The following SMIM35 variants were observed in gnomAD, a reference collection of about 807,000 sequenced individuals.
SMIM35 encodes the protein TMPRSS4 antisense RNA 1 (non-protein coding).
At chr11:118,036,489 G>A (rs2058360334) in intron 1 of SMIM35, among the ~76,000 whole-genome samples, 1 of 152,214 alleles carries the variant, frequency 6.6e-6, no homozygotes, top group South Asian at 2.1e-4. Context: ...CTGAATTTAA[G>A]GAATTCACAC....
intron 1 of SMIM35, among the ~76,000 whole-genome samples, chr11:118,018,171 AG>A (rs2058199344): frequency 6.6e-6 from 1 of 152,194 alleles, no homozygotes; most frequent in Non-Finnish European, 1.5e-5. Context: ...ATGAGCAGGA[AG>A]GCAGCAGGAG....
rs148324950 is a variant in SMIM35 at position 118,018,471 on chromosome 11, T to C, written c.8-2662A>G. Among the ~76,000 whole-genome samples, 3 of 152,248 alleles carry C rather than the reference T, an allele frequency of 2.0e-5. No homozygotes were observed. The East Asian group carries it at 5.8e-4, about 29-fold the overall frequency. ...AAGAGGCCAAGGTCAAAGAAGATCA[T>C]CTCTGTGGATGACAGAGAGAGGGAC... On this transcript the variant is annotated intron_variant, in intron 1 of 4. Transcript: ENST00000689828.
intron 4 of SMIM35, among the ~76,000 whole-genome samples, chr11:118,006,970 T>C (rs2058125103): frequency 6.6e-6 from 1 of 152,214 alleles, no homozygotes; most frequent in Admixed American, 6.5e-5. Context: ...TGAGCCTCTG[T>C]CATGGGCAGG....
intron 1 of SMIM35, among the ~76,000 whole-genome samples, chr11:118,074,302 A>T (rs1944617716): frequency 6.6e-6 from 1 of 152,124 alleles, no homozygotes; most frequent in Admixed American, 6.6e-5. Flanking sequence ...AAGAGAAAAA[A>T]ATGTCAAAAA....
At chr11:118,025,700 T>A (rs147044505) in intron 1 of SMIM35, 3 of 453,298 alleles carry the variant, frequency 6.6e-6, no homozygotes, top group African/African-American at 2.0e-5. Context: ...TAGACCCTTG[T>A]TGGATGCATA....
At position 118,004,686 on chromosome 11, in the gene SMIM35, C is replaced by G. The variant is rs1013940898; in HGVS notation, c.*1724G>C. On this transcript the variant is annotated 3_prime_UTR_variant, in exon 5 of 5. Coordinates refer to ENST00000689828, the MANE Select transcript of SMIM35 (RefSeq NM_001394165.1). ...GAGAAGATCCCCAAACCCCTGCAGC[C>G]AATACAGTTAGAATATTCACGCGAT... The G allele has an allele frequency of 3.9e-5, 6 of 152,190 alleles. No homozygotes were observed. The highest frequency in any genetic ancestry group is 1.4e-4 in the African/African-American group (6 of 41,424). The allele number at this position is 152,190 out of a possible 1,614,324, so 9.4% of individuals were successfully genotyped here. A position where few individuals can be genotyped will look rare whatever the true frequency, so the allele number is the denominator to read the frequency against.
chr11:118,075,964 G>A lies in SMIM35; in HGVS notation c.7+10787C>T, dbSNP rs77548009. 1.8e-3 allele frequency among the ~76,000 whole-genome samples: 267 copies of A among 152,316 alleles called. 3 individuals carry two copies. The highest frequency in any genetic ancestry group is 6.2e-3 in the African/African-American group (259 of 41,568). ...TCCAGCTATCAGGATGTGGCAGAAC[G>A]TGAATCAGAAATGATCCTGTGGGGC... On this transcript the variant is annotated intron_variant, in intron 1 of 4. Coordinates refer to ENST00000689828, the MANE Select transcript of SMIM35 (RefSeq NM_001394165.1).
intron 1 of SMIM35, among the ~76,000 whole-genome samples, chr11:118,054,292 A>G (rs754161108): frequency 3.5e-4 from 54 of 152,216 alleles, no homozygotes; most frequent in Admixed American, 7.2e-4. Flanking sequence ...GTACAGAAAA[A>G]CATTGACATT....
intron 1 of SMIM35, among the ~76,000 whole-genome samples, chr11:118,068,467 T>C (rs1030598885): frequency 6.6e-6 from 1 of 152,180 alleles, no homozygotes; most frequent in African/African-American, 2.4e-5. Context: ...GTCCTCAGTG[T>C]CCAGCACACT....
intron 1 of SMIM35, among the ~76,000 whole-genome samples, chr11:118,050,136 G>A (rs1944186172): frequency 6.6e-6 from 1 of 152,214 alleles, no homozygotes; most frequent in Non-Finnish European, 1.5e-5. Flanking sequence ...TCTCAGGTGA[G>A]CCACTCTGAC....
chr11:118,078,285 T>C (rs1832450375), intron 1 of SMIM35, among the ~76,000 whole-genome samples: 1 of 151,880 alleles, frequency 6.6e-6, no homozygotes. Flanking sequence ...GTCTTCCTTC[T>C]CCAGTCCTTG....
At chr11:118,057,072 G>A (rs1000460039) in intron 1 of SMIM35, among the ~76,000 whole-genome samples, 15 of 152,198 alleles carry the variant, frequency 9.9e-5, no homozygotes, top group African/African-American at 3.4e-4. Context: ...GAGAGCAGCC[G>A]GAAGCCTCAA....
At chr11:118,029,582 C>G (rs1299516115) in intron 1 of SMIM35, 2 of 453,712 alleles carry the variant, frequency 4.4e-6, no homozygotes, top group African/African-American at 4.0e-5. Flanking sequence ...GGGACTTACC[C>G]CCTGTCTGCT....
At chr11:118,034,280 A>G (rs1010877812) in intron 1 of SMIM35, among the ~76,000 whole-genome samples, 3 of 152,226 alleles carry the variant, frequency 2.0e-5, no homozygotes, top group African/African-American at 7.2e-5. Flanking sequence ...TCCATCTCAC[A>G]CACACACAAA....
intron 1 of SMIM35, among the ~76,000 whole-genome samples, chr11:118,041,541 A>T (rs1302909011): frequency 6.6e-6 from 1 of 152,198 alleles, no homozygotes; most frequent in Non-Finnish European, 1.5e-5. Context: ...TAAACAACAC[A>T]CTCCTAAATA....
intron 4 of SMIM35, among the ~76,000 whole-genome samples, chr11:118,009,449 T>C (rs1007215054): frequency 1.3e-5 from 2 of 152,194 alleles, no homozygotes; most frequent in Admixed American, 6.5e-5. Flanking sequence ...TGCCCTGCAC[T>C]GATATGTGCT....
chr11:118,047,750 C>T (rs1944123978), intron 1 of SMIM35, among the ~76,000 whole-genome samples: 1 of 152,224 alleles, frequency 6.6e-6, no homozygotes, highest in Non-Finnish European at 1.5e-5. Flanking sequence ...TATGGCCACT[C>T]ACCTTGGGGG....
intron 1 of SMIM35, among the ~76,000 whole-genome samples, chr11:118,017,305 C>T (rs1310813631): frequency 6.6e-6 from 1 of 152,182 alleles, no homozygotes; most frequent in Non-Finnish European, 1.5e-5. Flanking sequence ...GATCCAAGAG[C>T]TGGGCTGAGC....
chr11:118,011,786 C>T (rs928568090), intron 4 of SMIM35, among the ~76,000 whole-genome samples: 3 of 152,090 alleles, frequency 2.0e-5, no homozygotes, highest in Non-Finnish European at 2.9e-5. Context: ...GGAAGGAAGC[C>T]GAAGACAACT....
Sources: gnomAD v4.1 joint callset for allele counts (sites outside exome capture counted in the v4.1 genomes callset) on GRCh38, gnomAD v4.1.1 for gene constraint, MANE v1.5 for transcripts, NCBI Gene and HGNC (gene_info 2026-07-23, HGNC 2026-07-21) for gene names.